Variants in TRPA1 observed in about 807,000 individuals in gnomAD.
The protein encoded by TRPA1 is transient receptor potential cation channel subfamily A member 1.
Under a neutral mutation model 131.3 loss-of-function variants are expected in TRPA1, and 129 were observed. That is an observed-to-expected ratio of 0.98 (90% CI 0.85 to 1.14). The LOEUF (loss-of-function observed/expected upper bound fraction) is 1.14. Among genes scored for constraint, TRPA1 ranks in the 50% most tolerant of loss-of-function variants. The pLI is 0.00. For synonymous variants in TRPA1, 441 were observed against 451.7 expected (o/e 0.98, Z 0.30); for missense variants, 1,304 against 1,354.2 (o/e 0.96, Z 0.58).
In TRPA1 at chr8:72,056,974, C is replaced by T. The variant is rs375629082; in HGVS notation, c.1137G>A (p.Leu379=). Residue 379 remains leucine (L), a synonymous_variant, in exon 10 of 27, where the codon CTG becomes CTA. Transcript: ENST00000262209. ...CATAAGGTTGCTGTACAGTTAAATG[C>T]AGAAAATTACGTCCAAAATTATCTT... is the stretch of plus-strand genomic sequence containing the variant. ...DIKDNFGRNF[L]HLTVQQPYGL... is the part of the protein sequence containing the mutation. 9 of 1,609,302 alleles carry T rather than the reference C, an allele frequency of 5.6e-6. No individual in the cohort carries two copies. The African/African-American group carries it at 9.4e-5, about 17-fold the overall frequency.
chr8:72,079,864 G>A (rs1031446698), upstream of TRPA1, among the ~76,000 whole-genome samples: 12 of 151,860 alleles, frequency 7.9e-5, no homozygotes, highest in African/African-American at 2.2e-4. Context: ...TCTATGTACA[G>A]TTCATGCATA....
chr8:72,040,366 C>T (rs2129434109), intron 17 of TRPA1, among the ~76,000 whole-genome samples: 1 of 152,150 alleles, frequency 6.6e-6, no homozygotes, highest in East Asian at 1.9e-4. Flanking sequence ...GAATTGAAAA[C>T]AATACACAGA....
At chr8:72,031,933 G>A (rs1011982340) in intron 23 of TRPA1, among the ~76,000 whole-genome samples, 1 of 152,186 alleles carries the variant, frequency 6.6e-6, no homozygotes, top group Non-Finnish European at 1.5e-5. Flanking sequence ...TAATTGGAGA[G>A]GGGTGGTGGT....
intron 17 of TRPA1, among the ~76,000 whole-genome samples, chr8:72,044,207 GAA>G (rs574270169): frequency 5.2e-5 from 7 of 134,264 alleles, no homozygotes; most frequent in Admixed American, 1.5e-4. Flanking sequence ...CTATTCTTGG[GAA>G]AAAAAAAAAA....
At chr8:72,077,102 AT>A (rs1563409637), upstream of TRPA1, among the ~76,000 whole-genome samples, 1 of 152,124 alleles carries the variant, frequency 6.6e-6, no homozygotes, top group African/African-American at 2.4e-5. Flanking sequence ...AAGACTTTTT[AT>A]TTTTTATCAT....
At chr8:72,079,433 TACA>T (rs146505880), upstream of TRPA1, among the ~76,000 whole-genome samples, 464 of 152,098 alleles carry the variant, frequency 3.1e-3, 5 homozygotes, top group African/African-American at 0.011. Context: ...CATATGGATA[TACA>T]ACTGTTACTA....
chr8:72,028,399 T>A (rs998280728), intron 24 of TRPA1, among the ~76,000 whole-genome samples: 6 of 152,240 alleles, frequency 3.9e-5, no homozygotes, highest in African/African-American at 1.4e-4. Flanking sequence ...GCCTTGGCCA[T>A]TTTCCCTGGT....
chr8:72,056,844 T>A, intron 10 of TRPA1, 73 bp downstream of exon 10: 1 of 1,055,788 alleles, frequency 9.5e-7, no homozygotes, highest in Non-Finnish European at 1.4e-6. Context: ...ATAACAAAAA[T>A]TATAATAAAC....
intron 17 of TRPA1, among the ~76,000 whole-genome samples, chr8:72,043,274 G>T (rs1011420174): frequency 6.6e-6 from 1 of 151,592 alleles, no homozygotes; most frequent in African/African-American, 2.4e-5. Flanking sequence ...AAACTCAAAC[G>T]TAGTTATAGA....
Position 72,033,696 on chromosome 8 carries a change from G to T in TRPA1, c.2816C>A (p.Ala939Glu). 6.2e-7 allele frequency: 1 copy of T among 1,614,108 alleles called. No homozygotes were observed. The highest frequency in any genetic ancestry group is 1.1e-5 in the South Asian group (1 of 91,084). ...AAATATTGTGAAGGAAACAAGTTGTGCAAAGGACAGAACTGGATGTGCCAA... is the reference window on the plus strand; with the variant it reads ...AAATATTGTGAAGGAAACAAGTTGTTCAAAGGACAGAACTGGATGTGCCAA... ...NELAHPVLSF[A>E]QLVSFTIFVP... Residue 939 changes from alanine (A) to glutamate (E), a missense_variant, in exon 23 of 27, where the codon GCA (alanine) becomes GAA (glutamate). Coordinates refer to ENST00000262209, the MANE Select transcript of TRPA1 (RefSeq NM_007332.3).
intron 25 of TRPA1, among the ~76,000 whole-genome samples, chr8:72,025,261 G>GCTGTTCTT (rs1339912404): frequency 6.6e-6 from 1 of 152,062 alleles, no homozygotes; most frequent in Non-Finnish European, 1.5e-5. Context: ...TTTCCCCCAT[G>GCTGTTCTT]CTGTTCTTGT....
intron 3 of TRPA1, among the ~76,000 whole-genome samples, chr8:72,066,912 G>A (rs771284189): frequency 6.9e-4 from 105 of 152,188 alleles, no homozygotes; most frequent in Non-Finnish European, 6.0e-4. Context: ...CCCTCCACAG[G>A]TCCCTTGGTT....
the TRPA1 span, among the ~76,000 whole-genome samples, chr8:72,081,636 C>A: frequency 6.6e-6 from 1 of 151,792 alleles, no homozygotes; most frequent in Non-Finnish European, 1.5e-5. Flanking sequence ...TTTCTTCTCA[C>A]AATTCTGTCA....
chr8:72,083,958 C>T, the TRPA1 span, among the ~76,000 whole-genome samples: 1 of 151,928 alleles, frequency 6.6e-6, no homozygotes, highest in Non-Finnish European at 1.5e-5. Context: ...TATTGTTGTT[C>T]AGTGAGTCGA....
At chr8:72,051,978 C>T (rs1273591895) in intron 14 of TRPA1, among the ~76,000 whole-genome samples, 1 of 152,186 alleles carries the variant, frequency 6.6e-6, no homozygotes, top group Non-Finnish European at 1.5e-5. Flanking sequence ...TTTAGGTAGA[C>T]ATTTAGAAAT....
At chr8:72,042,396 C>T (rs768934571) in intron 17 of TRPA1, among the ~76,000 whole-genome samples, 2 of 151,754 alleles carry the variant, frequency 1.3e-5, no homozygotes, top group Non-Finnish European at 3.0e-5. Flanking sequence ...TGGCCACTAT[C>T]AAAAGAACAA....
intron 25 of TRPA1, among the ~76,000 whole-genome samples, chr8:72,025,081 T>C (rs1005417038): frequency 2.0e-5 from 3 of 149,000 alleles, no homozygotes; most frequent in South Asian, 4.3e-4. Flanking sequence ...TCATTTTCTA[T>C]AGTGGATGCT....
rs1812047385 is a variant in TRPA1 at position 72,036,281 on chromosome 8, G to A, written c.2555+7C>T. On this transcript the variant is annotated splice_region_variant and intron_variant, in intron 21 of 26. Coordinates refer to ENST00000262209, the MANE Select transcript of TRPA1 (RefSeq NM_007332.3). Reference sequence around the variant, plus strand: ...AAGGATGTGGAAATAATTCAAGCTTGTTTTACCTTTGAAGATACAATAAGA... The same window carrying A: ...AAGGATGTGGAAATAATTCAAGCTTATTTTACCTTTGAAGATACAATAAGA... 6.2e-7 allele frequency: 1 copy of A among 1,613,614 alleles called. No homozygotes were observed. The highest frequency in any genetic ancestry group is 1.1e-5 in the South Asian group (1 of 91,038).
intron 18 of TRPA1, 60 bp from the exon 19 acceptor site, chr8:72,039,087 T>C: frequency 6.4e-7 from 1 of 1,557,400 alleles, no homozygotes; most frequent in Non-Finnish European, 8.8e-7. Context: ...TTACTTAAGA[T>C]ACCTGGGGAA....
Sources: gnomAD v4.1 joint callset for allele counts (sites outside exome capture counted in the v4.1 genomes callset) on GRCh38, gnomAD v4.1.1 for gene constraint, MANE v1.5 for transcripts, NCBI Gene and HGNC (gene_info 2026-07-23, HGNC 2026-07-21) for gene names.